The following PLPP1 variants were observed in gnomAD, a reference collection of about 807,000 sequenced individuals.
PLPP1 encodes the protein lipid phosphate phosphohydrolase 1a.
A neutral mutation model predicts 31.2 loss-of-function variants in PLPP1; 24 were observed. The observed-to-expected ratio is 0.77, with a 90% CI of 0.56 to 1.08. The LOEUF (loss-of-function observed/expected upper bound fraction) is 1.08. Among genes scored for constraint, PLPP1 ranks in the 50% least tolerant of loss-of-function variants. PLPP1 has a pLI of 0.00. For missense variants in PLPP1, 319 were observed against 342.7 expected, an observed-to-expected ratio of 0.93 and a Z score of 0.55; for synonymous variants, 146 against 126.3, an observed-to-expected ratio of 1.16 and a Z score of -1.05.
intron 1 of PLPP1, among the ~76,000 whole-genome samples, chr5:55,495,416 G>C (rs1752984659): frequency 6.6e-6 from 1 of 152,166 alleles, no homozygotes; most frequent in Non-Finnish European, 1.5e-5. Context: ...CAGCAGCATA[G>C]TCTGGCCATT....
At chr5:55,426,726 T>C (rs1230760624) in intron 4 of PLPP1, among the ~76,000 whole-genome samples, 1 of 152,176 alleles carries the variant, frequency 6.6e-6, no homozygotes, top group Non-Finnish European at 1.5e-5. Context: ...TGGTTAGTTC[T>C]GAGTCTTGGG....
At chr5:55,512,292 G>A (rs1453433351) in intron 1 of PLPP1, among the ~76,000 whole-genome samples, 1 of 151,202 alleles carries the variant, frequency 6.6e-6, no homozygotes, top group Non-Finnish European at 1.5e-5. Flanking sequence ...CCAACATGGT[G>A]AAATCCCGTC....
intron 1 of PLPP1, among the ~76,000 whole-genome samples, chr5:55,533,394 A>C (rs1740750802): frequency 6.6e-6 from 1 of 152,096 alleles, no homozygotes; most frequent in Admixed American, 6.6e-5. Flanking sequence ...AAAAAAAAAA[A>C]AAAGATAACA....
At chr5:55,510,134 G>A (rs1481911127) in intron 1 of PLPP1, among the ~76,000 whole-genome samples, 1 of 151,868 alleles carries the variant, frequency 6.6e-6, no homozygotes, top group Non-Finnish European at 1.5e-5. Flanking sequence ...CTGTTTACAT[G>A]GAACTAGGGT....
chr5:55,507,662 C>A lies in PLPP1; in HGVS notation c.58+26910G>T, dbSNP rs190184527. Among the ~76,000 whole-genome samples the A allele has an allele frequency of 1.1e-4, 17 of 152,200 alleles. No individual in the cohort carries two copies. The East Asian group carries it at 3.1e-3, about 28-fold the overall frequency. On this transcript the variant is annotated intron_variant, in intron 1 of 5. Coordinates refer to ENST00000307259, the MANE Select transcript of PLPP1 (RefSeq NM_003711.4). ...ATAATTTTGAAAATGAGGAAACCTG[C>A]CCAAAGCCACGTAGGTTGCAGAATT...
At chr5:55,442,650 T>C (rs1158596255) in intron 3 of PLPP1, among the ~76,000 whole-genome samples, 1 of 33,262 alleles carries the variant, frequency 3.0e-5, no homozygotes, top group Non-Finnish European at 8.3e-5. Flanking sequence ...AGACGCCATC[T>C]CAAAAAAAAA....
At chr5:55,495,496 A>G (rs897872194) in intron 1 of PLPP1, among the ~76,000 whole-genome samples, 2 of 152,208 alleles carry the variant, frequency 1.3e-5, no homozygotes, top group Admixed American at 1.3e-4. Context: ...CAAAGCTCAG[A>G]GTATCTAGTA....
chr5:55,516,493 A>G (rs1420305456), intron 1 of PLPP1, among the ~76,000 whole-genome samples: 1 of 152,228 alleles, frequency 6.6e-6, no homozygotes, highest in African/African-American at 2.4e-5. Context: ...TACCTAAGAC[A>G]GTGCTTGGCA....
At chr5:55,469,800 TAG>T (rs1752381398) in intron 2 of PLPP1, among the ~76,000 whole-genome samples, 1 of 152,216 alleles carries the variant, frequency 6.6e-6, no homozygotes, top group Non-Finnish European at 1.5e-5. Flanking sequence ...CAATGGCTCC[TAG>T]AGTTCCATAA....
intron 1 of PLPP1, among the ~76,000 whole-genome samples, chr5:55,503,914 G>A (rs1045531446): frequency 1.4e-4 from 2 of 14,176 alleles, no homozygotes; most frequent in African/African-American, 2.5e-4. Flanking sequence ...GGGGAGGAAG[G>A]GGGGGGAGGA....
At chr5:55,477,135 G>A (rs1752568056) in intron 1 of PLPP1, among the ~76,000 whole-genome samples, 1 of 151,866 alleles carries the variant, frequency 6.6e-6, no homozygotes, top group African/African-American at 2.4e-5. Flanking sequence ...TCACCAAATA[G>A]TTTTCATTCA....
chr5:55,528,930 CAT>C (rs1348003393), intron 1 of PLPP1, among the ~76,000 whole-genome samples: 1 of 152,070 alleles, frequency 6.6e-6, no homozygotes, highest in African/African-American at 2.4e-5. Context: ...ATACTAAGAA[CAT>C]ACCCAATTTT....
At chr5:55,523,719 T>C (rs895695098) in intron 1 of PLPP1, among the ~76,000 whole-genome samples, 1 of 152,230 alleles carries the variant, frequency 6.6e-6, no homozygotes, top group South Asian at 2.1e-4. Flanking sequence ...ACTGGCCTCT[T>C]TTCTGTGACA....
At chr5:55,453,447 T>C (rs1393130063) in intron 3 of PLPP1, among the ~76,000 whole-genome samples, 2 of 152,178 alleles carry the variant, frequency 1.3e-5, no homozygotes, top group Non-Finnish European at 2.9e-5. Context: ...GTCAGAAATC[T>C]TGGGCAGTGT....
intron 1 of PLPP1, among the ~76,000 whole-genome samples, chr5:55,491,860 G>GAAAAAAAAAAAAAAA (rs35303375): frequency 5.9e-5 from 6 of 102,194 alleles, no homozygotes; most frequent in Admixed American, 3.6e-4. Flanking sequence ...TCAATCTCAG[G>GAAAAAAAAAAAAAAA]AAAAAAAAAA....
At chr5:55,429,488 G>GCAT (rs1561219299) in intron 4 of PLPP1, among the ~76,000 whole-genome samples, 2 of 152,106 alleles carry the variant, frequency 1.3e-5, no homozygotes, top group Non-Finnish European at 2.9e-5. Flanking sequence ...CCAACAGTCA[G>GCAT]CATCCGCATT....
chr5:55,497,323 G>A (rs562184414), intron 1 of PLPP1, among the ~76,000 whole-genome samples: 10 of 152,078 alleles, frequency 6.6e-5, no homozygotes, highest in Non-Finnish European at 2.9e-5. Flanking sequence ...ATAGTTCATT[G>A]TAACCTTGAA....
chr5:55,467,543 T>TAAA (rs3990254), intron 3 of PLPP1, among the ~76,000 whole-genome samples: 2 of 147,214 alleles, frequency 1.4e-5, no homozygotes, highest in African/African-American at 2.5e-5. Flanking sequence ...TATAAAAATG[T>TAAA]AAAAAAAATT....
chr5:55,453,685 A>G (rs1412066308), intron 3 of PLPP1, among the ~76,000 whole-genome samples: 2 of 152,186 alleles, frequency 1.3e-5, no homozygotes, highest in African/African-American at 4.8e-5. Flanking sequence ...TCCCACCTGT[A>G]ATCCTAGCAA....
Sources: allele counts gnomAD v4.1 joint callset (sites outside exome capture counted in the v4.1 genomes callset), GRCh38; gene constraint gnomAD v4.1.1; transcripts MANE v1.5; gene names NCBI Gene and HGNC (gene_info 2026-07-23, HGNC 2026-07-21).